The following ARK2C variants were observed in gnomAD, a reference collection of about 807,000 sequenced individuals.
The protein encoded by ARK2C is E3 ubiquitin-protein ligase ARK2C.
At chr18:46,340,586 C>A in the ARK2C span, among the ~76,000 whole-genome samples, 1 of 152,200 alleles carries the variant, frequency 6.6e-6, no homozygotes, top group Non-Finnish European at 1.5e-5. Flanking sequence ...AATGGCAGAA[C>A]GTCCTGACTG....
At chr18:46,347,397 C>T in the ARK2C span, among the ~76,000 whole-genome samples, 1 of 152,206 alleles carries the variant, frequency 6.6e-6, no homozygotes, top group Non-Finnish European at 1.5e-5. Context: ...CCTCTCCTGC[C>T]CCTCTGCCCA....
At chr18:46,394,405 A>T in the ARK2C span, among the ~76,000 whole-genome samples, 3 of 152,086 alleles carry the variant, frequency 2.0e-5, no homozygotes, top group Non-Finnish European at 2.9e-5. Context: ...ACTCTCGGAG[A>T]TGACACAGCT....
chr18:46,388,008 G>A, the ARK2C span, among the ~76,000 whole-genome samples: 1 of 152,200 alleles, frequency 6.6e-6, no homozygotes, highest in Non-Finnish European at 1.5e-5. Flanking sequence ...GATTCAAGCT[G>A]GCACTTGCGT....
chr18:46,366,351 C>T, the ARK2C span, among the ~76,000 whole-genome samples: 3,267 of 149,210 alleles, frequency 0.022, 124 homozygotes, highest in African/African-American at 0.076. Flanking sequence ...TGATATAGGC[C>T]TAAGCCCTCT....
At chr18:46,390,203 T>C in the ARK2C span, among the ~76,000 whole-genome samples, 2 of 152,372 alleles carry the variant, frequency 1.3e-5, no homozygotes, top group African/African-American at 4.8e-5. Flanking sequence ...GGCCGATTCC[T>C]GCTGGGACTC....
At chr18:46,368,136 T>C in the ARK2C span, among the ~76,000 whole-genome samples, 76 of 152,346 alleles carry the variant, frequency 5.0e-4, 2 homozygotes, top group East Asian at 0.01. Context: ...CTAGACCTTA[T>C]CTGCTTCCTT....
chr18:46,415,131 C>T, the ARK2C span, among the ~76,000 whole-genome samples: 2 of 152,164 alleles, frequency 1.3e-5, no homozygotes, highest in Non-Finnish European at 2.9e-5. Context: ...AGAGTGTCCC[C>T]TCCCCAGGCC....
the ARK2C span, chr18:46,456,684 C>A: frequency 7.5e-7 from 1 of 1,338,510 alleles, no homozygotes; most frequent in Non-Finnish European, 1.1e-6. Context: ...CAGGTCCCCC[C>A]ACGGCCATAG....
At chr18:46,350,900 C>T in the ARK2C span, among the ~76,000 whole-genome samples, 1 of 152,226 alleles carries the variant, frequency 6.6e-6, no homozygotes, top group Non-Finnish European at 1.5e-5. Flanking sequence ...GGGCCCATTA[C>T]CTGGGAGGAG....
At chr18:46,403,219 G>A in the ARK2C span, among the ~76,000 whole-genome samples, 1 of 152,154 alleles carries the variant, frequency 6.6e-6, no homozygotes, top group Non-Finnish European at 1.5e-5. Context: ...CTGGCACCTG[G>A]CAAAATGTCC....
the ARK2C span, among the ~76,000 whole-genome samples, chr18:46,433,667 C>T: frequency 7.2e-5 from 11 of 152,334 alleles, no homozygotes; most frequent in East Asian, 2.1e-3. Context: ...CTGGCCTGGC[C>T]GGCAGTCACC....
the ARK2C span, chr18:46,456,457 C>A: frequency 8.2e-7 from 1 of 1,226,978 alleles, no homozygotes; most frequent in Non-Finnish European, 1.2e-6. Flanking sequence ...GGTGTGTGTC[C>A]CTGCTCCGCT....
At chr18:46,380,709 C>A in the ARK2C span, among the ~76,000 whole-genome samples, 1 of 152,172 alleles carries the variant, frequency 6.6e-6, no homozygotes, top group East Asian at 1.9e-4. Flanking sequence ...GACTCTGGAG[C>A]CTCGAACCCA....
chr18:46,393,148 A>G, the ARK2C span, among the ~76,000 whole-genome samples: 15 of 152,218 alleles, frequency 9.9e-5, no homozygotes, highest in Non-Finnish European at 1.8e-4. Flanking sequence ...GATCAGATTT[A>G]CTGACATCGT....
At chr18:46,396,778 G>A in the ARK2C span, among the ~76,000 whole-genome samples, 6 of 152,210 alleles carry the variant, frequency 3.9e-5, no homozygotes, top group East Asian at 1.9e-4. Context: ...TGTGCACCAC[G>A]CCTATGTCGG....
At chr18:46,336,373 A>AC in the ARK2C span, 19,587 of 968,650 alleles carry the variant, frequency 0.02, 217 homozygotes, top group Non-Finnish European at 0.022. Flanking sequence ...CTTCTCCCTC[A>AC]CCCCCCCCAA....
the ARK2C span, among the ~76,000 whole-genome samples, chr18:46,420,284 GC>G: frequency 6.6e-6 from 1 of 152,164 alleles, no homozygotes; most frequent in African/African-American, 2.4e-5. Flanking sequence ...CGGGAGCCAG[GC>G]TTGGGGCAGA....
chr18:46,442,952 A>G, the ARK2C span, among the ~76,000 whole-genome samples: 4 of 152,338 alleles, frequency 2.6e-5, no homozygotes, highest in Admixed American at 2.0e-4. Context: ...ATGTTAACAT[A>G]GCCATTCCAG....
chr18:46,427,522 C>G, the ARK2C span, among the ~76,000 whole-genome samples: 3 of 152,360 alleles, frequency 2.0e-5, no homozygotes, highest in African/African-American at 7.2e-5. Flanking sequence ...TACTGGCCAG[C>G]TCTGCCTGAC....
Sources: allele counts gnomAD v4.1 joint callset (sites outside exome capture counted in the v4.1 genomes callset), GRCh38; gene constraint gnomAD v4.1.1; transcripts MANE v1.5; gene names NCBI Gene and HGNC (gene_info 2026-07-23, HGNC 2026-07-21).